The following MBNL2 variants were observed in gnomAD, a reference collection of about 807,000 sequenced individuals.
The protein encoded by MBNL2 is muscleblind like splicing regulator 2.
In MBNL2, 17 loss-of-function variants were observed where a neutral mutation model predicts 41.9. That is an observed-to-expected ratio of 0.41 (90% CI 0.28 to 0.61). The LOEUF (loss-of-function observed/expected upper bound fraction) is 0.61. MBNL2 is among the 20% of genes least tolerant of loss of function. The pLI, the probability that MBNL2 is intolerant of heterozygous loss-of-function variation, is 0.35. For missense variants in MBNL2, 336 were observed against 505.6 expected, an observed-to-expected ratio of 0.66 and a Z score of 3.22; for synonymous variants, 195 against 182.9, an observed-to-expected ratio of 1.07 and a Z score of -0.53.
chr13:97,247,479 A>G (rs550555793), intron 1 of MBNL2, among the ~76,000 whole-genome samples: 1 of 152,242 alleles, frequency 6.6e-6, no homozygotes, highest in East Asian at 1.9e-4. Flanking sequence ...CTAAACATGA[A>G]CCCCGACATA....
chr13:97,373,237 G>A (rs1487322148), intron 8 of MBNL2, among the ~76,000 whole-genome samples: 3 of 152,150 alleles, frequency 2.0e-5, no homozygotes, highest in Non-Finnish European at 4.4e-5. Flanking sequence ...AGTAATCAGG[G>A]CCGAGACATC....
chr13:97,141,876 T>C, the MBNL2 span, among the ~76,000 whole-genome samples: 6 of 152,294 alleles, frequency 3.9e-5, no homozygotes, highest in African/African-American at 1.4e-4. Context: ...AATGGAGAGC[T>C]GTGTCTGAGG....
At chr13:97,302,797 G>A (rs1348971046) in intron 2 of MBNL2, among the ~76,000 whole-genome samples, 6 of 152,180 alleles carry the variant, frequency 3.9e-5, no homozygotes, top group African/African-American at 1.4e-4. Flanking sequence ...GAAGGGTGAG[G>A]CTGTTGACAG....
intron 1 of MBNL2, among the ~76,000 whole-genome samples, chr13:97,232,849 CTATGTG>C (rs1210320774): frequency 5.1e-5 from 5 of 97,804 alleles, no homozygotes; most frequent in Admixed American, 3.2e-4. Flanking sequence ...ACTCTTGACG[CTATGTG>C]TGTGTGTGTG....
chr13:97,219,292 G>A (rs189056657), upstream of MBNL2, among the ~76,000 whole-genome samples: 7 of 152,276 alleles, frequency 4.6e-5, no homozygotes, highest in African/African-American at 1.4e-4. Flanking sequence ...CTGAACAGAC[G>A]GCCTCTGGCT....
chr13:97,283,540 A>G (rs2053837362), intron 2 of MBNL2, among the ~76,000 whole-genome samples: 1 of 152,130 alleles, frequency 6.6e-6, no homozygotes, highest in Non-Finnish European at 1.5e-5. Flanking sequence ...AAGGAAGTAT[A>G]ATACCTTTAA....
intron 1 of MBNL2, among the ~76,000 whole-genome samples, chr13:97,235,598 C>T (rs1031663070): frequency 6.6e-6 from 1 of 152,186 alleles, no homozygotes; most frequent in South Asian, 2.1e-4. Context: ...GTTCTGATCT[C>T]TTCCTTCCAG....
the MBNL2 span, among the ~76,000 whole-genome samples, chr13:97,189,628 ATATG>A: frequency 6.6e-6 from 1 of 152,222 alleles, no homozygotes; most frequent in Non-Finnish European, 1.5e-5. Context: ...ATATATGTAA[ATATG>A]TATGTGTGTC....
At chr13:97,217,114 A>G (rs1179400159), upstream of MBNL2, among the ~76,000 whole-genome samples, 4 of 148,790 alleles carry the variant, frequency 2.7e-5, no homozygotes, top group Non-Finnish European at 4.5e-5. Flanking sequence ...CATATACAGT[A>G]TGCATATAAT....
chr13:97,275,151 T>C (rs758994490), intron 1 of MBNL2, among the ~76,000 whole-genome samples: 41 of 152,050 alleles, frequency 2.7e-4, no homozygotes, highest in Non-Finnish European at 5.3e-4. Context: ...TACCTACCCA[T>C]CTCCAAGTCC....
intron 2 of MBNL2, among the ~76,000 whole-genome samples, chr13:97,310,751 G>C (rs1594192317): frequency 6.7e-6 from 1 of 148,970 alleles, no homozygotes; most frequent in East Asian, 2.0e-4. Context: ...GTTTCTAAAA[G>C]GAATTTGAAA....
chr13:97,165,228 T>C, the MBNL2 span, among the ~76,000 whole-genome samples: 6 of 152,202 alleles, frequency 3.9e-5, no homozygotes, highest in Middle Eastern at 3.4e-3. Flanking sequence ...ACCCTTCATT[T>C]TCAAAACAAA....
intron 2 of MBNL2, among the ~76,000 whole-genome samples, chr13:97,316,350 C>T (rs984384316): frequency 1.3e-5 from 2 of 152,164 alleles, no homozygotes; most frequent in Non-Finnish European, 2.9e-5. Context: ...CACCTCTGGC[C>T]CCTTCGGTCC....
At chr13:97,155,381 CTT>C in the MBNL2 span, among the ~76,000 whole-genome samples, 64 of 139,938 alleles carry the variant, frequency 4.6e-4, 1 homozygote, top group African/African-American at 1.6e-3. Context: ...AAGTAATTTT[CTT>C]TTTTTTTTTT....
At chr13:97,310,637 G>A (rs1566408560) in intron 2 of MBNL2, among the ~76,000 whole-genome samples, 1 of 151,926 alleles carries the variant, frequency 6.6e-6, no homozygotes, top group Non-Finnish European at 1.5e-5. Context: ...CAGCGTGTTA[G>A]CCAGGATGGC....
At chr13:97,213,899 C>T in the MBNL2 span, among the ~76,000 whole-genome samples, 2 of 145,072 alleles carry the variant, frequency 1.4e-5, no homozygotes, top group Admixed American at 6.7e-5. Context: ...ACTACAATAA[C>T]ACACATGCTA....
rs924578000 is a variant in MBNL2, at chr13:97,321,566, G to T, written c.175-12710G>T. Among the ~76,000 whole-genome samples, 5 of 152,278 alleles carry T rather than the reference G, an allele frequency of 3.3e-5. No individual in the cohort carries two copies. In the East Asian group the frequency reaches 7.7e-4, roughly 23 times the overall value. On this transcript the variant is annotated intron_variant, in intron 2 of 8. Coordinates refer to ENST00000679496, the MANE Select transcript of MBNL2 (RefSeq NM_001382683.1). The stretch of plus-strand genomic sequence containing the variant: ...CCACAGCAGGCGATGGAGAAGGCAC[G>T]TGTTTTGGTGAGGGAAGAGCAGTAT...
intron 1 of MBNL2, among the ~76,000 whole-genome samples, chr13:97,272,448 T>C (rs1219071372): frequency 6.6e-6 from 1 of 152,226 alleles, no homozygotes; most frequent in East Asian, 1.9e-4. Flanking sequence ...AGAAGCTCTT[T>C]AGTTTAATTA....
chr13:97,232,891 G>A (rs1347565817), intron 1 of MBNL2, among the ~76,000 whole-genome samples: 1 of 126,080 alleles, frequency 7.9e-6, no homozygotes, highest in Non-Finnish European at 1.6e-5. Context: ...GTGTGTGTGT[G>A]CGCACGTACA....
Sources: gnomAD v4.1 joint callset for allele counts (sites outside exome capture counted in the v4.1 genomes callset) on GRCh38, gnomAD v4.1.1 for gene constraint, MANE v1.5 for transcripts, NCBI Gene and HGNC (gene_info 2026-07-23, HGNC 2026-07-21) for gene names.